The following AUH variants were observed in gnomAD, a reference collection of about 807,000 sequenced individuals.
The protein encoded by AUH is AU RNA binding methylglutaconyl-CoA hydratase.
A neutral mutation model predicts 42.3 loss-of-function variants in AUH; 29 were observed. The ratio of observed to expected loss-of-function variants is 0.69; its 90% CI spans 0.51 to 0.93. The LOEUF (loss-of-function observed/expected upper bound fraction) is 0.93, where lower values mean the gene tolerates loss of function less well. Ranked by LOEUF, AUH falls within the 40% of genes least tolerant of loss-of-function variation. AUH has a pLI of 0.00. For synonymous variants in AUH, 174 were observed against 166.4 expected (o/e 1.05, Z -0.35); for missense variants, 452 against 438.1 (o/e 1.03, Z -0.28).
chr9:91,314,472 G>C, intron 4 of AUH, among the ~76,000 whole-genome samples: 1 of 140,036 alleles, frequency 7.1e-6, no homozygotes, highest in African/African-American at 2.7e-5. Flanking sequence ...GACACAGGGA[G>C]ACCCTCTCTC....
At chr9:91,346,890 A>G (rs1210948596) in intron 3 of AUH, among the ~76,000 whole-genome samples, 1 of 152,104 alleles carries the variant, frequency 6.6e-6, no homozygotes, top group African/African-American at 2.4e-5. Context: ...TTTATTTACT[A>G]TATGCAACTC....
intron 1 of AUH, among the ~76,000 whole-genome samples, chr9:91,356,588 ATATACT>A (rs1209203655): frequency 6.6e-6 from 1 of 152,068 alleles, no homozygotes; most frequent in Non-Finnish European, 1.5e-5. Flanking sequence ...TTTCTGTCTG[ATATACT>A]TAACCTGAGG....
chr9:91,340,211 T>C (rs1034883878), intron 3 of AUH, among the ~76,000 whole-genome samples: 17 of 152,136 alleles, frequency 1.1e-4, no homozygotes, highest in Non-Finnish European at 2.4e-4. Context: ...TCCAGGACAG[T>C]AACTACCTTC....
chr9:91,336,875 A>G (rs963622990), intron 3 of AUH, among the ~76,000 whole-genome samples: 9 of 152,174 alleles, frequency 5.9e-5, no homozygotes, highest in Non-Finnish European at 1.3e-4. Flanking sequence ...TAAAGAGGAC[A>G]GCCATATTCT....
intron 6 of AUH, among the ~76,000 whole-genome samples, chr9:91,271,683 TTTG>T (rs920037474): frequency 1.3e-5 from 2 of 152,178 alleles, no homozygotes; most frequent in African/African-American, 2.4e-5. Context: ...TTCAATATGC[TTTG>T]TTGTTGTTGT....
At chr9:91,339,296 G>A (rs574150854) in intron 3 of AUH, among the ~76,000 whole-genome samples, 55 of 152,250 alleles carry the variant, frequency 3.6e-4, no homozygotes, top group African/African-American at 1.3e-3. Flanking sequence ...TTGAAAAATC[G>A]CTAAGTCAAA....
chr9:91,315,863 G>A (rs1458464128), intron 4 of AUH, among the ~76,000 whole-genome samples: 6 of 152,100 alleles, frequency 3.9e-5, no homozygotes, highest in Non-Finnish European at 8.8e-5. Context: ...AAGTCTGTGT[G>A]TGTGTGTATA....
chr9:91,327,078 G>GA (rs1830012019), intron 3 of AUH, among the ~76,000 whole-genome samples: 2 of 151,930 alleles, frequency 1.3e-5, no homozygotes, highest in African/African-American at 4.8e-5. Context: ...CCCTCTCCAC[G>GA]AATCTTAAAA....
intron 4 of AUH, among the ~76,000 whole-genome samples, chr9:91,318,059 G>A (rs1378170300): frequency 6.6e-6 from 1 of 151,998 alleles, no homozygotes; most frequent in African/African-American, 2.4e-5. Flanking sequence ...TGTTTCTCTC[G>A]GATTTAGGTA....
chr9:91,240,750 A>C (rs769437253), intron 6 of AUH, among the ~76,000 whole-genome samples: 103 of 151,010 alleles, frequency 6.8e-4, no homozygotes, highest in Non-Finnish European at 9.6e-4. Context: ...GTCTCCTGCC[A>C]CTGAGAGAGT....
At chr9:91,255,130 T>C (rs1264036981) in intron 6 of AUH, among the ~76,000 whole-genome samples, 1 of 152,224 alleles carries the variant, frequency 6.6e-6, no homozygotes, top group African/African-American at 2.4e-5. Flanking sequence ...AGACTTCTAA[T>C]AATCTTATAA....
chr9:91,279,400 G>T (rs747684665), intron 6 of AUH, among the ~76,000 whole-genome samples: 23 of 152,188 alleles, frequency 1.5e-4, no homozygotes, highest in Non-Finnish European at 2.6e-4. Flanking sequence ...TAGGCTATTT[G>T]TGTTGCTATA....
chr9:91,308,474 G>C (rs930983324), intron 4 of AUH, among the ~76,000 whole-genome samples: 2 of 152,178 alleles, frequency 1.3e-5, no homozygotes, highest in Non-Finnish European at 2.9e-5. Flanking sequence ...TTCTTGATGA[G>C]AGGATAAAGA....
chr9:91,343,234 C>T (rs1176498238), intron 3 of AUH: 1 of 151,814 alleles, frequency 6.6e-6, no homozygotes, highest in African/African-American at 2.4e-5. Context: ...CAAGGGTCAA[C>T]TATAAGAAAA....
At chr9:91,218,103 A>T (rs1045650634) in intron 7 of AUH, among the ~76,000 whole-genome samples, 1 of 152,222 alleles carries the variant, frequency 6.6e-6, no homozygotes, top group African/African-American at 2.4e-5. Context: ...GCTCTTTTGA[A>T]TTAAAACACA....
intron 3 of AUH, among the ~76,000 whole-genome samples, chr9:91,348,763 C>T (rs139951348): frequency 4.1e-4 from 63 of 152,248 alleles, no homozygotes; most frequent in African/African-American, 1.3e-3. Context: ...AGGGGCTTGA[C>T]TGCAAATGGA....
At chr9:91,283,004 C>G (rs902872052) in intron 6 of AUH, among the ~76,000 whole-genome samples, 1 of 151,950 alleles carries the variant, frequency 6.6e-6, no homozygotes, top group African/African-American at 2.4e-5. Flanking sequence ...GCAGAGACAC[C>G]ACAAAGAAAG....
intron 6 of AUH, among the ~76,000 whole-genome samples, chr9:91,269,452 G>T (rs935501735): frequency 6.6e-6 from 1 of 152,104 alleles, no homozygotes; most frequent in East Asian, 1.9e-4. Context: ...AAATATAAAC[G>T]TTTAAATTTT....
intron 6 of AUH, among the ~76,000 whole-genome samples, chr9:91,260,280 C>G (rs953077419): frequency 6.6e-6 from 1 of 152,254 alleles, no homozygotes; most frequent in African/African-American, 2.4e-5. Flanking sequence ...CTGGTTTAAT[C>G]TGACAATCTC....
Sources: gnomAD v4.1 joint callset for allele counts (sites outside exome capture counted in the v4.1 genomes callset) on GRCh38, gnomAD v4.1.1 for gene constraint, MANE v1.5 for transcripts, NCBI Gene and HGNC (gene_info 2026-07-23, HGNC 2026-07-21) for gene names.